The following MACROD2 variants were observed in gnomAD, a reference collection of about 807,000 sequenced individuals.
MACROD2 encodes ADP-ribose glycohydrolase MACROD2.
A neutral mutation model predicts 70.4 loss-of-function variants in MACROD2; 36 were observed. The observed-to-expected ratio is 0.51, with a 90% CI of 0.39 to 0.68. The LOEUF (loss-of-function observed/expected upper bound fraction) is 0.68. MACROD2 is among the 30% of genes least tolerant of loss of function. The probability of loss-of-function intolerance (pLI) is 0.00; values close to 1 mark genes in which losing one functional copy is unlikely to be tolerated. For synonymous variants in MACROD2, 172 were observed against 178.8 expected (o/e 0.96, Z 0.30); for missense variants, 496 against 538.4 (o/e 0.92, Z 0.78).
intron 3 of MACROD2, among the ~76,000 whole-genome samples, chr20:14,171,895 T>C (rs757935223): frequency 1.3e-5 from 2 of 152,222 alleles, no homozygotes; most frequent in African/African-American, 2.4e-5. Context: ...CTTTGTTGAC[T>C]TTCTGTCTTG....
At chr20:15,279,236 A>C (rs925255680) in intron 6 of MACROD2, among the ~76,000 whole-genome samples, 1 of 152,220 alleles carries the variant, frequency 6.6e-6, no homozygotes, top group African/African-American at 2.4e-5. Flanking sequence ...ACACATGAAC[A>C]AAAAGGTCAT....
chr20:14,106,220 A>G (rs759737684), intron 3 of MACROD2, among the ~76,000 whole-genome samples: 1 of 152,184 alleles, frequency 6.6e-6, no homozygotes, highest in Non-Finnish European at 1.5e-5. Context: ...AGCTGACTGA[A>G]GACCCCTTGG....
chr20:14,082,192 T>TG (rs1218885949), intron 2 of MACROD2, among the ~76,000 whole-genome samples: 1 of 139,972 alleles, frequency 7.1e-6, no homozygotes, highest in East Asian at 2.0e-4. Context: ...TTTTTTTTTT[T>TG]TTTTGAGATG....
At chr20:14,714,624 A>C (rs2071376583) in intron 5 of MACROD2, among the ~76,000 whole-genome samples, 1 of 151,956 alleles carries the variant, frequency 6.6e-6, no homozygotes. Context: ...ACTGTGTCTC[A>C]TTCTTTGTGT....
At chr20:14,126,905 C>T (rs992908287) in intron 3 of MACROD2, among the ~76,000 whole-genome samples, 1 of 152,128 alleles carries the variant, frequency 6.6e-6, no homozygotes, top group African/African-American at 2.4e-5. Context: ...GCTGCTTATT[C>T]TTTGAGAAAC....
At chr20:14,348,554 CAA>C (rs77245821) in intron 3 of MACROD2, among the ~76,000 whole-genome samples, 1 of 130,844 alleles carries the variant, frequency 7.6e-6, no homozygotes, top group Non-Finnish European at 1.7e-5. Flanking sequence ...TATTAGTAGA[CAA>C]AAAAAAAAAA....
intron 3 of MACROD2, among the ~76,000 whole-genome samples, chr20:14,174,192 T>C (rs2081245482): frequency 6.6e-6 from 1 of 152,124 alleles, no homozygotes; most frequent in African/African-American, 2.4e-5. Flanking sequence ...TGGATAAGTA[T>C]TCAGGTTTCT....
chr20:15,078,382 G>A (rs1209766253), intron 5 of MACROD2, among the ~76,000 whole-genome samples: 2 of 152,170 alleles, frequency 1.3e-5, no homozygotes, highest in South Asian at 2.1e-4. Flanking sequence ...TGTCCATACA[G>A]AGAAGGGGGA....
chr20:15,813,086 G>C (rs1242720604), intron 8 of MACROD2, among the ~76,000 whole-genome samples: 2 of 152,004 alleles, frequency 1.3e-5, no homozygotes, highest in Non-Finnish European at 2.9e-5. Context: ...AATTCCCTAT[G>C]TCTTTATTTC....
chr20:15,523,492 G>T (rs867308876), intron 8 of MACROD2, among the ~76,000 whole-genome samples: 1 of 152,086 alleles, frequency 6.6e-6, no homozygotes, highest in African/African-American at 2.4e-5. Context: ...TTTTGTGCAG[G>T]GAGAGTTATT....
At chr20:15,642,344 A>T (rs1261550088) in intron 8 of MACROD2, among the ~76,000 whole-genome samples, 1 of 152,188 alleles carries the variant, frequency 6.6e-6, no homozygotes, top group Non-Finnish European at 1.5e-5. Context: ...TAAAGCAAGC[A>T]GGTCTGGAAT....
intron 6 of MACROD2, among the ~76,000 whole-genome samples, chr20:15,311,521 A>G (rs2077752316): frequency 6.6e-6 from 1 of 152,224 alleles, no homozygotes; most frequent in African/African-American, 2.4e-5. Flanking sequence ...AAGTAAAGAC[A>G]TAAAATCAAC....
At chr20:14,813,350 G>A (rs1247060146) in intron 5 of MACROD2, among the ~76,000 whole-genome samples, 2 of 131,846 alleles carry the variant, frequency 1.5e-5, no homozygotes, top group African/African-American at 2.9e-5. Context: ...CCCTTCCTCT[G>A]CCCCCCTCCC....
chr20:14,828,385 A>G (rs2072925744), intron 5 of MACROD2, among the ~76,000 whole-genome samples: 2 of 152,130 alleles, frequency 1.3e-5, no homozygotes, highest in Admixed American at 6.5e-5. Flanking sequence ...CCAGAATAAC[A>G]CCTATGTAAG....
intron 5 of MACROD2, among the ~76,000 whole-genome samples, chr20:15,065,178 T>C (rs2075563829): frequency 1.3e-5 from 2 of 152,190 alleles, no homozygotes; most frequent in South Asian, 4.1e-4. Flanking sequence ...GATTTCATAA[T>C]GGGAAAATAA....
intron 2 of MACROD2, among the ~76,000 whole-genome samples, chr20:14,080,686 A>G (rs35560258): frequency 0.051 from 7,649 of 150,226 alleles, 512 homozygotes; most frequent in African/African-American, 0.15. Context: ...AGTCCTGTTC[A>G]TTTTTTTTTT....
chr20:15,469,988 C>A (rs2046943626), intron 7 of MACROD2, among the ~76,000 whole-genome samples: 1 of 152,138 alleles, frequency 6.6e-6, no homozygotes, highest in Admixed American at 6.5e-5. Context: ...CTTGACAATT[C>A]TATAGTTTGC....
chr20:15,278,158 A>G (rs1164443737), intron 6 of MACROD2, among the ~76,000 whole-genome samples: 2 of 152,190 alleles, frequency 1.3e-5, no homozygotes, highest in African/African-American at 2.4e-5. Flanking sequence ...AACAATGCAT[A>G]TATTATGTTC....
intron 4 of MACROD2, among the ~76,000 whole-genome samples, chr20:14,568,267 AT>A (rs987072383): frequency 1.4e-4 from 21 of 152,076 alleles, no homozygotes; most frequent in African/African-American, 4.8e-4. Context: ...GAGTTTGCTC[AT>A]TTGTATTTGA....
Sources: allele counts gnomAD v4.1 joint callset (sites outside exome capture counted in the v4.1 genomes callset), GRCh38; gene constraint gnomAD v4.1.1; transcripts MANE v1.5; gene names NCBI Gene and HGNC (gene_info 2026-07-23, HGNC 2026-07-21).